Variants in RBMS2 observed in about 807,000 individuals in gnomAD.
The protein encoded by RBMS2 is RNA binding motif single stranded interacting protein 2.
Under a neutral mutation model 58.4 loss-of-function variants are expected in RBMS2, and 38 were observed. The ratio of observed to expected loss-of-function variants is 0.65; its 90% CI spans 0.50 to 0.85. RBMS2 has a LOEUF of 0.85. Ranked by LOEUF, RBMS2 falls within the 40% of genes least tolerant of loss-of-function variation. The pLI is 0.00. For synonymous variants in RBMS2, 151 were observed against 180.7 expected (o/e 0.84, Z 1.32); for missense variants, 367 against 503.7 (o/e 0.73, Z 2.60).
intron 1 of RBMS2, among the ~76,000 whole-genome samples, chr12:56,561,847 G>A (rs1380974152): frequency 2.2e-5 from 3 of 138,400 alleles, no homozygotes; most frequent in Non-Finnish European, 4.7e-5. Flanking sequence ...ACGTGCTGTC[G>A]CCCAGGCTGG....
chr12:56,533,020 G>C (rs986669945), intron 1 of RBMS2, among the ~76,000 whole-genome samples: 26 of 151,616 alleles, frequency 1.7e-4, no homozygotes, highest in African/African-American at 6.0e-4. Context: ...CTGCAGCCTC[G>C]ACCTCCCTGG....
chr12:56,573,441 C>A (rs1219711126), intron 5 of RBMS2, among the ~76,000 whole-genome samples: 1 of 124,836 alleles, frequency 8.0e-6, no homozygotes, highest in East Asian at 2.5e-4. Context: ...CGCGCCATTG[C>A]ATTCCAGCCT....
rs149875820 is a variant in RBMS2, at chr12:56,569,952, G to T, written c.346G>T (p.Ala116Ser). The T allele has an allele frequency of 6.0e-5, 97 of 1,613,896 alleles. No individual in the cohort carries two copies. The African/African-American group carries it at 1.1e-3, about 18-fold the overall frequency. ...TTCAGCAGCACAGAAAGCTGTAACAGCACTGAAGGCCAGCGGTGTACAGGC... is the reference window on the plus strand; with the variant it reads ...TTCAGCAGCACAGAAAGCTGTAACATCACTGAAGGCCAGCGGTGTACAGGC... ...SPSAAQKAVT[A>S]LKASGVQAQM... The change falls in exon 4 of 14, where the codon GCA becomes TCA. Residue 116 changes from alanine (A) to serine (S), a missense_variant. By Grantham distance (99) the Ala-to-Ser change is moderately conservative. This residue lies in a region of RBMS2 where 54 missense variants were observed against 110.4 expected (regional missense o/e 0.49). Coordinates refer to ENST00000262031, the MANE Select transcript of RBMS2 (RefSeq NM_002898.4).
chr12:56,589,066 CA>C, intron 13 of RBMS2, 48 bp downstream of exon 13: 1 of 1,613,024 alleles, frequency 6.2e-7, no homozygotes, highest in East Asian at 2.2e-5. Context: ...TGGCAGACAG[CA>C]GCTCAGCCCG....
chr12:56,535,184 T>G (rs1874537854), intron 1 of RBMS2, among the ~76,000 whole-genome samples: 1 of 152,098 alleles, frequency 6.6e-6, no homozygotes, highest in African/African-American at 2.4e-5. Flanking sequence ...CTGTCTATAC[T>G]TCTCTCTTCA....
chr12:56,579,590 C>T (rs555753949), intron 5 of RBMS2, among the ~76,000 whole-genome samples: 19 of 150,318 alleles, frequency 1.3e-4, no homozygotes, highest in Non-Finnish European at 2.1e-4. Context: ...GCCGAGATCG[C>T]GCCACTGCAC....
chr12:56,581,667 G>A (rs1883968506), intron 7 of RBMS2, 159 bp downstream of exon 7: 3 of 1,125,104 alleles, frequency 2.7e-6, no homozygotes, highest in South Asian at 2.9e-5. Flanking sequence ...GTTCTCGAGT[G>A]TGGCTTTGCG....
At chr12:56,581,061 T>G in intron 5 of RBMS2, 123 bp from the exon 6 acceptor site, 1 of 820,854 alleles carries the variant, frequency 1.2e-6, no homozygotes, top group Non-Finnish European at 2.1e-6. Context: ...ACTCTGTGTT[T>G]CTGTAGTCAT....
intron 1 of RBMS2, among the ~76,000 whole-genome samples, chr12:56,538,162 AG>A (rs1233799414): frequency 6.6e-6 from 1 of 151,900 alleles, no homozygotes; most frequent in Non-Finnish European, 1.5e-5. Context: ...CCTCCCGGGT[AG>A]CTGGGATTAC....
In RBMS2 at chr12:56,590,050, G is replaced by T. The variant is rs1361771103; in HGVS notation, c.*917G>T. ...GGGAACACACCCTTGAGCCAAACTT[G>T]GTTGAAGACTAGGTCTTCCCTGGCA... On this transcript the variant is annotated 3_prime_UTR_variant, in exon 14 of 14. Transcript: ENST00000262031. The T allele has an allele frequency of 6.6e-6, 1 of 152,206 alleles. No individual in the cohort carries two copies. The highest frequency in any genetic ancestry group is 6.5e-5 in the Admixed American group (1 of 15,280). The allele number at this position is 152,206 out of a possible 1,614,324, so 9.4% of individuals were successfully genotyped here.
intron 1 of RBMS2, among the ~76,000 whole-genome samples, chr12:56,544,806 C>G (rs1165947676): frequency 7.7e-6 from 1 of 130,358 alleles, no homozygotes; most frequent in Non-Finnish European, 1.6e-5. Context: ...GTTGCCCAAG[C>G]TGGTCTTGAA....
chr12:56,522,146 T>C (rs998621126), intron 1 of RBMS2, 57 bp downstream of exon 1: 1 of 1,355,414 alleles, frequency 7.4e-7, no homozygotes, highest in African/African-American at 1.5e-5. Context: ...GATCTTGCAA[T>C]GCCCTTGGTT....
At chr12:56,526,159 T>G (rs138243540) in intron 1 of RBMS2, among the ~76,000 whole-genome samples, 1 of 151,524 alleles carries the variant, frequency 6.6e-6, no homozygotes, top group African/African-American at 2.4e-5. Flanking sequence ...ATACAAAAAT[T>G]AGCCGGGTAT....
intron 9 of RBMS2, among the ~76,000 whole-genome samples, chr12:56,585,040 C>G (rs886566511): frequency 1.3e-5 from 2 of 152,086 alleles, no homozygotes; most frequent in Non-Finnish European, 2.9e-5. Context: ...TCAGGCTGGT[C>G]TCAAACTCCC....
In RBMS2 at chr12:56,593,847, C is replaced by T. The variant is rs1885495707; in HGVS notation, c.*4714C>T. The T allele has an allele frequency of 6.6e-6, 1 of 152,422 alleles. No homozygotes were observed. The highest frequency in any genetic ancestry group is 1.5e-5 in the Non-Finnish European group (1 of 68,214). The allele number at this position is 152,422 out of a possible 1,614,324, so 9.4% of individuals were successfully genotyped here. A position where few individuals can be genotyped will look rare whatever the true frequency, so the allele number is the denominator to read the frequency against. On this transcript the variant is annotated 3_prime_UTR_variant, in exon 14 of 14. Transcript: ENST00000262031. ...CAGGCGTGAGCCACTGCACCCGGCC[C>T]TTTGTAGTGTTTTTAACTAAAGAAT...
intron 1 of RBMS2, among the ~76,000 whole-genome samples, chr12:56,549,888 G>A (rs773265665): frequency 2.6e-5 from 4 of 152,048 alleles, no homozygotes; most frequent in African/African-American, 4.8e-5. Flanking sequence ...TTAACCGGGC[G>A]TGGTGGTGGG....
At position 56,594,492 on chromosome 12, in the gene RBMS2, T is replaced by G. The variant is rs1485747179; in HGVS notation, c.*5359T>G. On this transcript the variant is annotated 3_prime_UTR_variant, in exon 14 of 14. Coordinates refer to ENST00000262031, the MANE Select transcript of RBMS2 (RefSeq NM_002898.4). ...CAAATCTTGTGCCTTGTTATACCAA[T>G]CCTTCCTGATTCCCGTTTAAACCAA... 1 of 152,232 alleles carries G rather than the reference T, an allele frequency of 6.6e-6. No homozygotes were observed. The highest frequency in any genetic ancestry group is 1.5e-5 in the Non-Finnish European group (1 of 68,048). 9.4% of individuals were successfully genotyped at this position (152,232 alleles called of 1,614,324 possible). A position where few individuals can be genotyped will look rare whatever the true frequency, so the allele number is the denominator to read the frequency against.
At chr12:56,576,456 A>G (rs1251335899) in intron 5 of RBMS2, among the ~76,000 whole-genome samples, 1 of 152,176 alleles carries the variant, frequency 6.6e-6, no homozygotes, top group African/African-American at 2.4e-5. Flanking sequence ...TGGCCATCAG[A>G]TGAAAAAGCG....
intron 1 of RBMS2, among the ~76,000 whole-genome samples, chr12:56,549,916 C>T (rs1232377830): frequency 6.6e-6 from 1 of 152,040 alleles, no homozygotes; most frequent in East Asian, 1.9e-4. Flanking sequence ...ATCCCAGTTA[C>T]TCAGAAGGCT....
Sources: gnomAD v4.1 joint callset for allele counts (sites outside exome capture counted in the v4.1 genomes callset) on GRCh38, gnomAD v4.1.1 for gene constraint, gnomAD v4.1.1 regional missense constraint, MANE v1.5 for transcripts, NCBI Gene and HGNC (gene_info 2026-07-23, HGNC 2026-07-21) for gene names.